Variants in MTHFD1L observed in about 807,000 individuals in gnomAD.
MTHFD1L encodes monofunctional C1-tetrahydrofolate synthase, mitochondrial.
Under a neutral mutation model 119.5 loss-of-function variants are expected in MTHFD1L, and 81 were observed. That is an observed-to-expected ratio of 0.68 (90% CI 0.57 to 0.82). The LOEUF (loss-of-function observed/expected upper bound fraction) is 0.82, where lower values mean the gene tolerates loss of function less well. Among genes scored for constraint, MTHFD1L ranks in the 40% least tolerant of loss-of-function variants. The probability of loss-of-function intolerance (pLI) is 0.00; values close to 1 mark genes in which losing one functional copy is unlikely to be tolerated. For synonymous variants in MTHFD1L, 430 were observed against 475.2 expected (o/e 0.90, Z 1.24); for missense variants, 1,125 against 1,253.4 (o/e 0.90, Z 1.55).
intron 26 of MTHFD1L, among the ~76,000 whole-genome samples, chr6:151,075,341 T>C (rs541607689): frequency 7.2e-5 from 11 of 152,220 alleles, no homozygotes; most frequent in African/African-American, 2.6e-4. Flanking sequence ...GAAAATTGAA[T>C]TGGTATATCA....
At chr6:150,877,305 G>A (rs1394921180) in intron 2 of MTHFD1L, among the ~76,000 whole-genome samples, 3 of 152,174 alleles carry the variant, frequency 2.0e-5, no homozygotes, top group Admixed American at 2.0e-4. Flanking sequence ...CACCGCCTCA[G>A]CCTTCTGCAG....
At chr6:150,972,524 C>G (rs1035226069) in intron 20 of MTHFD1L, among the ~76,000 whole-genome samples, 1 of 152,204 alleles carries the variant, frequency 6.6e-6, no homozygotes, top group Non-Finnish European at 1.5e-5. Context: ...GTGGCACATG[C>G]CTCGCTACTC....
At chr6:150,957,370 AC>A (rs1391310807) in intron 17 of MTHFD1L, among the ~76,000 whole-genome samples, 1 of 152,214 alleles carries the variant, frequency 6.6e-6, no homozygotes, top group Non-Finnish European at 1.5e-5. Flanking sequence ...AATAGTAGGT[AC>A]TAAATGCTAG....
chr6:150,866,767 C>T (rs1253706758), intron 1 of MTHFD1L: 3 of 918,836 alleles, frequency 3.3e-6, no homozygotes, highest in Non-Finnish European at 3.9e-6. Context: ...GGGCCCAGAG[C>T]GAACTGGGAG....
intron 4 of MTHFD1L, 31 bp from the exon 5 acceptor site, chr6:150,882,731 T>C (rs1260738409): frequency 7.1e-7 from 1 of 1,413,404 alleles, no homozygotes; most frequent in Non-Finnish European, 9.3e-7. Context: ...ACAAAACTAA[T>C]TTTTATTTTG....
At chr6:151,002,917 C>T (rs150189519) in intron 20 of MTHFD1L, among the ~76,000 whole-genome samples, 92 of 152,288 alleles carry the variant, frequency 6.0e-4, no homozygotes, top group African/African-American at 2.1e-3. Context: ...CCCAGCTGTC[C>T]TGTGCATTAT....
chr6:150,938,617 G>A (rs62431901), intron 12 of MTHFD1L, 82 bp from the exon 13 acceptor site: 90 of 1,469,750 alleles, frequency 6.1e-5, no homozygotes, highest in Non-Finnish European at 8.1e-5. Flanking sequence ...TTGGGTTTGG[G>A]GAGCTGTGTC....
intron 13 of MTHFD1L, among the ~76,000 whole-genome samples, chr6:150,941,504 A>T (rs183874185): frequency 1.4e-4 from 21 of 152,358 alleles, no homozygotes; most frequent in African/African-American, 4.8e-4. Flanking sequence ...CGATGAATCC[A>T]GGAGGAAGAC....
chr6:151,069,832 C>T (rs1190258774), intron 26 of MTHFD1L, among the ~76,000 whole-genome samples: 1 of 152,124 alleles, frequency 6.6e-6, no homozygotes, highest in South Asian at 2.1e-4. Context: ...TCAGAGTTCT[C>T]GGATTATAGA....
chr6:150,937,677 T>C (rs1200918289), intron 12 of MTHFD1L, among the ~76,000 whole-genome samples: 1 of 152,150 alleles, frequency 6.6e-6, no homozygotes, highest in Admixed American at 6.5e-5. Context: ...AAGGTTTTGG[T>C]CACAGCTGTG....
At chr6:151,032,516 C>T (rs1785493896) in intron 24 of MTHFD1L, among the ~76,000 whole-genome samples, 1 of 152,194 alleles carries the variant, frequency 6.6e-6, no homozygotes, top group South Asian at 2.1e-4. Context: ...CCACCTCCAA[C>T]ATTGAGGATT....
At chr6:150,874,660 C>T (rs536319714) in intron 1 of MTHFD1L, among the ~76,000 whole-genome samples, 9 of 152,338 alleles carry the variant, frequency 5.9e-5, no homozygotes, top group African/African-American at 1.9e-4. Context: ...GAAAAGCCAG[C>T]TCCCAGTGCT....
At chr6:151,011,521 C>T (rs1782215009) in intron 21 of MTHFD1L, among the ~76,000 whole-genome samples, 1 of 152,190 alleles carries the variant, frequency 6.6e-6, no homozygotes, top group Non-Finnish European at 1.5e-5. Context: ...ATCTACAGTC[C>T]TGGTCTCTTG....
chr6:151,051,758 G>A (rs1400502225), intron 26 of MTHFD1L, among the ~76,000 whole-genome samples: 2 of 152,232 alleles, frequency 1.3e-5, no homozygotes, highest in African/African-American at 2.4e-5. Context: ...AGTGCTAAAT[G>A]CAGTAGATGT....
intron 8 of MTHFD1L, among the ~76,000 whole-genome samples, chr6:150,910,037 C>T (rs1300739305): frequency 1.3e-5 from 2 of 151,758 alleles, no homozygotes; most frequent in South Asian, 2.1e-4. Flanking sequence ...AAAAGTTAGC[C>T]GGGCATGGTG....
chr6:151,009,931 T>C lies in MTHFD1L; in HGVS notation c.2238T>C (p.Ala746=). 6.2e-7 allele frequency: 1 copy of C among 1,611,652 alleles called. No individual in the cohort carries two copies. Among genetic ancestry groups the C allele is most frequent in the Non-Finnish European group, 8.5e-7 (1 of 1,179,170 alleles). The change falls in exon 21 of 28, where the codon GCT becomes GCC. Residue 746 remains alanine, a synonymous_variant. Coordinates refer to ENST00000367321, the MANE Select transcript of MTHFD1L (RefSeq NM_015440.5). ...TTGTGTTAGTGGCAACGGTGCGAGC[T>C]CTGAAGATGCATGGAGGCGGGCCAA... is the stretch of plus-strand genomic sequence containing the variant. ...NVVVLVATVR[A]LKMHGGGPSV...
chr6:150,902,721 G>A (rs947402256), intron 7 of MTHFD1L, among the ~76,000 whole-genome samples: 3 of 152,096 alleles, frequency 2.0e-5, no homozygotes, highest in African/African-American at 7.2e-5. Flanking sequence ...ATGGAGTTGA[G>A]GGGTCGGAAT....
At position 151,015,665 on chromosome 6, in the gene MTHFD1L, G is replaced by A. The variant is rs1213012245; in HGVS notation, c.2558G>A (p.Ser853Asn). Residue 853 changes from serine to asparagine, a missense_variant, in exon 24 of 28, where the codon AGC (serine) becomes AAC (asparagine). Coordinates refer to ENST00000367321, the MANE Select transcript of MTHFD1L (RefSeq NM_015440.5). ...GTGAGAGAGGCTGCGAGTAAAAGAA[G>A]CCGATTCCAGTTCCTGTATGATGTT... ...RAVREAASKR[S>N]RFQFLYDVQV... The A allele has an allele frequency of 1.9e-6, 3 of 1,613,868 alleles. No homozygotes were observed. The African/African-American group carries it at 4.0e-5, about 22-fold the overall frequency.
At chr6:150,935,132 A>T in intron 11 of MTHFD1L, 1 of 1,613,744 alleles carries the variant, frequency 6.2e-7, no homozygotes, top group Non-Finnish European at 8.5e-7. Context: ...AGGATTTAAC[A>T]CTGAGAAAAT....
Sources: gnomAD v4.1 joint callset for allele counts (sites outside exome capture counted in the v4.1 genomes callset) on GRCh38, gnomAD v4.1.1 for gene constraint, MANE v1.5 for transcripts, NCBI Gene and HGNC (gene_info 2026-07-23, HGNC 2026-07-21) for gene names.